MAP3K13: variants seen among roughly 807,000 people sequenced by gnomAD.
MAP3K13 encodes leucine zipper-bearing kinase.
A neutral mutation model predicts 104.0 loss-of-function variants in MAP3K13; 52 were observed. The observed-to-expected ratio is 0.50, with a 90% CI of 0.40 to 0.63. The LOEUF (loss-of-function observed/expected upper bound fraction) is 0.63, where lower values mean the gene tolerates loss of function less well. Ranked by LOEUF, MAP3K13 falls within the 20% of genes least tolerant of loss-of-function variation. The pLI, the probability that MAP3K13 is intolerant of heterozygous loss-of-function variation, is 0.00. For missense variants in MAP3K13, 914 were observed against 1,218.5 expected (o/e 0.75, Z 3.72); for synonymous variants, 394 against 442.2 (o/e 0.89, Z 1.37).
chr3:185,332,830 C>T (rs1006406977), intron 2 of MAP3K13, among the ~76,000 whole-genome samples: 10 of 152,152 alleles, frequency 6.6e-5, no homozygotes, highest in Admixed American at 3.3e-4. Context: ...TTGGCTATTG[C>T]GAATAAGGCC....
chr3:185,428,663 C>T lies in MAP3K13; in HGVS notation c.82C>T (p.Gln28Ter). 1 of 1,614,150 alleles carries T rather than the reference C, an allele frequency of 6.2e-7. No individual in the cohort carries two copies. Among genetic ancestry groups the T allele is most frequent in the Non-Finnish European group, 8.5e-7 (1 of 1,180,012 alleles). The change falls in exon 2 of 14, where the codon CAA (glutamine) becomes TAA (stop). Residue 28 changes from glutamine to a stop codon, truncating the protein, a stop_gained. Transcript: ENST00000265026. LOFTEE classifies it high-confidence loss of function. The stretch of plus-strand genomic sequence containing the variant: ...TGAAAGCAAAACCTTCAATGGACTA[C>T]AAGATGAGCTCACAGCTATGGGGAA... Reference protein sequence around the residue: ...FSESKTFNGLQDELTAMGNHP... With the variant: ...FSESKTFNGL
rs776035649 is a variant in MAP3K13 at position 185,488,992 on chromosome 3, T to G, written c.*6536T>G. The G allele has an allele frequency of 1.3e-5, 2 of 152,248 alleles. No individual in the cohort carries two copies. Among genetic ancestry groups the G allele is most frequent in the Non-Finnish European group, 2.9e-5 (2 of 68,060 alleles). 9.4% of individuals were successfully genotyped at this position (152,248 alleles called of 1,614,324 possible). ...TACTGTCAGTCCCCAGCTCCCAGTG[T>G]TGTTTTCTGATGCCGGCTCCCTCTC... is the stretch of plus-strand genomic sequence containing the variant. On this transcript the variant is annotated 3_prime_UTR_variant, in exon 14 of 14. Transcript: ENST00000265026.
At chr3:185,323,605 T>C (rs960731758) in intron 2 of MAP3K13, among the ~76,000 whole-genome samples, 2 of 152,312 alleles carry the variant, frequency 1.3e-5, no homozygotes, top group African/African-American at 4.8e-5. Flanking sequence ...AGTGCTGGGA[T>C]TCCAGGCGTG....
chr3:185,410,670 C>T (rs932861519), intron 1 of MAP3K13, among the ~76,000 whole-genome samples: 6 of 152,098 alleles, frequency 3.9e-5, no homozygotes, highest in African/African-American at 9.7e-5. Flanking sequence ...TGTGGTGGCT[C>T]ATGCCTGTAA....
chr3:185,482,203 T>TGGA lies in MAP3K13; in HGVS notation c.2800-152_2800-151insGGA, dbSNP rs1718503561. ...TAGCAATCATAATCATCATGTGTTT[T>TGGA]CTTTCTCCATAAGTCCCACAAGGAC... On this transcript the variant is annotated intron_variant, in intron 13 of 13. Transcript: ENST00000265026. This position sits in a 1 kb window ranked among gnomAD's most constrained non-coding sequence, Gnocchi z 4.5. 2 of 620,062 alleles carry TGGA rather than the reference T, an allele frequency of 3.2e-6. No homozygotes were observed. Among genetic ancestry groups the TGGA allele is most frequent in the Non-Finnish European group, 5.8e-6 (2 of 345,654 alleles). 38.4% of individuals were successfully genotyped at this position (620,062 alleles called of 1,614,324 possible).
Position 185,418,737 on chromosome 3 carries a change from C to A in MAP3K13, c.-85-9760C>A. ...TGACATTTTTGCCAGATGACTCCCCCTTTTCGGAGTACACCGATATCATTG... is the reference window on the plus strand; with the variant it reads ...TGACATTTTTGCCAGATGACTCCCCATTTTCGGAGTACACCGATATCATTG... On this transcript the variant is annotated intron_variant, in intron 1 of 13. Transcript: ENST00000265026. This position sits in a 1 kb window ranked among gnomAD's most constrained non-coding sequence, Gnocchi z 4.5. 1.2e-6 allele frequency: 2 copies of A among 1,609,878 alleles called. No homozygotes were observed. Among genetic ancestry groups the A allele is most frequent in the East Asian group, 2.2e-5 (1 of 44,834 alleles).
At chr3:185,464,423 A>G (rs1347155484) in intron 8 of MAP3K13, among the ~76,000 whole-genome samples, 7 of 152,146 alleles carry the variant, frequency 4.6e-5, no homozygotes, top group African/African-American at 1.4e-4. Context: ...AGGTAACTGG[A>G]TCTTGGGGGC....
chr3:185,355,629 C>G (rs550984240), intron 2 of MAP3K13, among the ~76,000 whole-genome samples: 3 of 151,886 alleles, frequency 2.0e-5, no homozygotes, highest in African/African-American at 7.3e-5. Context: ...AGTGAGACTC[C>G]GTCTCAAAAA....
chr3:185,424,901 T>C (rs947388559), intron 1 of MAP3K13, among the ~76,000 whole-genome samples: 1 of 152,210 alleles, frequency 6.6e-6, no homozygotes, highest in Non-Finnish European at 1.5e-5. Context: ...CACAGCTCAC[T>C]GCAGCCTCGA....
At chr3:185,441,398 C>T (rs1390074215) in intron 3 of MAP3K13, among the ~76,000 whole-genome samples, 2 of 151,970 alleles carry the variant, frequency 1.3e-5, no homozygotes, top group East Asian at 1.9e-4. Context: ...AACCTCTAGG[C>T]GTTGAGGTAG....
chr3:185,436,745 G>A (rs1715048068), intron 2 of MAP3K13, among the ~76,000 whole-genome samples: 1 of 152,074 alleles, frequency 6.6e-6, no homozygotes, highest in East Asian at 1.9e-4. Flanking sequence ...GCTCACACCT[G>A]TAATCCCAAC....
At chr3:185,462,264 C>T (rs1210678831) in intron 7 of MAP3K13, among the ~76,000 whole-genome samples, 6 of 152,054 alleles carry the variant, frequency 3.9e-5, no homozygotes. Flanking sequence ...TTTCTACCCC[C>T]TAAAATTTAG....
chr3:185,455,189 GAGAT>G (rs1384065418), intron 7 of MAP3K13, among the ~76,000 whole-genome samples: 23 of 91,396 alleles, frequency 2.5e-4, no homozygotes, highest in East Asian at 6.2e-4. Flanking sequence ...TGATATATAT[GAGAT>G]ATATATATGA....
chr3:185,443,164 C>T (rs917272307), intron 3 of MAP3K13, among the ~76,000 whole-genome samples: 2 of 152,046 alleles, frequency 1.3e-5, no homozygotes, highest in African/African-American at 4.8e-5. Flanking sequence ...AAAGTGTGCT[C>T]TTTGTCCCGG....
chr3:185,396,260 A>G (rs1712411592), intron 1 of MAP3K13, among the ~76,000 whole-genome samples: 1 of 152,032 alleles, frequency 6.6e-6, no homozygotes, highest in African/African-American at 2.4e-5. Flanking sequence ...AGTCCCAGCT[A>G]GTCAGGAGGC....
chr3:185,387,006 C>T (rs1410951406), intron 1 of MAP3K13, among the ~76,000 whole-genome samples: 1 of 152,118 alleles, frequency 6.6e-6, no homozygotes, highest in Non-Finnish European at 1.5e-5. Flanking sequence ...TACCATGGCA[C>T]ACATTTACCT....
At chr3:185,432,097 G>T (rs776111952) in intron 2 of MAP3K13, among the ~76,000 whole-genome samples, 2 of 151,124 alleles carry the variant, frequency 1.3e-5, no homozygotes, top group Non-Finnish European at 2.9e-5. Flanking sequence ...GTTTTACATT[G>T]GAAATAAATA....
At chr3:185,307,543 C>CA (rs1553786577) in intron 2 of MAP3K13, among the ~76,000 whole-genome samples, 3,278 of 48,860 alleles carry the variant, frequency 0.067, 78 homozygotes, top group Non-Finnish European at 0.1. Flanking sequence ...GGTGCACCAC[C>CA]CCCTCCCCCG....
intron 1 of MAP3K13, among the ~76,000 whole-genome samples, chr3:185,380,193 A>C (rs985642532): frequency 6.7e-6 from 1 of 148,878 alleles, no homozygotes; most frequent in Non-Finnish European, 1.5e-5. Flanking sequence ...CTCAAAAAAC[A>C]AAACAAAACA....
Sources: allele counts gnomAD v4.1 joint callset (sites outside exome capture counted in the v4.1 genomes callset), GRCh38; gene constraint gnomAD v4.1.1; non-coding constraint Gnocchi (gnomAD v3.1); transcripts MANE v1.5; gene names NCBI Gene and HGNC (gene_info 2026-07-23, HGNC 2026-07-21).